Variants in GUCY1A2 observed in about 807,000 individuals in gnomAD.
The protein encoded by GUCY1A2 is guanylate cyclase 1 soluble subunit alpha 2.
In GUCY1A2, 27 loss-of-function variants were observed where a neutral mutation model predicts 63.5. The ratio of observed to expected loss-of-function variants is 0.43; its 90% CI spans 0.31 to 0.59. GUCY1A2 has a LOEUF of 0.59. GUCY1A2 is among the 20% of genes least tolerant of loss of function. GUCY1A2 has a pLI of 0.11. For missense variants in GUCY1A2, 768 were observed against 913.3 expected (o/e 0.84, Z 2.05); for synonymous variants, 364 against 343.5 (o/e 1.06, Z -0.66).
chr11:106,690,376 A>G (rs1209608327), intron 7 of GUCY1A2, among the ~76,000 whole-genome samples: 4 of 152,218 alleles, frequency 2.6e-5, no homozygotes, highest in Non-Finnish European at 5.9e-5. Context: ...TTCCAGCAAC[A>G]TGGATGGAGC....
intron 5 of GUCY1A2, among the ~76,000 whole-genome samples, chr11:106,799,002 A>G (rs1477327888): frequency 1.3e-5 from 2 of 152,206 alleles, no homozygotes; most frequent in Admixed American, 6.5e-5. Flanking sequence ...ATGATTGTAT[A>G]TTTAGAAAAC....
intron 3 of GUCY1A2, among the ~76,000 whole-genome samples, chr11:106,949,344 T>C (rs1365535858): frequency 1.3e-5 from 2 of 152,184 alleles, no homozygotes; most frequent in Admixed American, 6.5e-5. Context: ...TTCACACCTC[T>C]ATACCAGCCA....
chr11:106,900,085 CA>C (rs35314878), intron 4 of GUCY1A2, among the ~76,000 whole-genome samples: 19,297 of 79,554 alleles, frequency 0.24, 796 homozygotes, highest in South Asian at 0.35. Context: ...GACTCCGTCT[CA>C]AAAAAAAAAA....
intron 5 of GUCY1A2, among the ~76,000 whole-genome samples, chr11:106,796,926 T>C (rs1424496737): frequency 6.6e-6 from 1 of 152,146 alleles, no homozygotes; most frequent in Non-Finnish European, 1.5e-5. Context: ...CAGACGTAGA[T>C]TTGGTCTTTT....
chr11:107,000,217 A>G lies in GUCY1A2; in HGVS notation c.304-14086T>C, dbSNP rs73555830. On this transcript the variant is annotated intron_variant, in intron 1 of 7. Coordinates refer to ENST00000526355, the MANE Select transcript of GUCY1A2 (RefSeq NM_000855.3). ...TTACAATGGCAATAAGTTAACACAG[A>G]AAAAGAGAGAAAGACTTTATAGCTT... 9.2e-3 allele frequency among the ~76,000 whole-genome samples: 1,409 copies of G among 152,378 alleles called. 18 individuals carry two copies. The highest frequency in any genetic ancestry group is 0.031 in the African/African-American group (1,296 of 41,596).
chr11:106,962,369 G>T (rs541244068), intron 3 of GUCY1A2, among the ~76,000 whole-genome samples: 1 of 142,848 alleles, frequency 7.0e-6, no homozygotes, highest in Admixed American at 7.3e-5. Context: ...GGCTAACATG[G>T]TGAAACCCCA....
At chr11:106,848,649 C>T (rs1483538962) in intron 4 of GUCY1A2, among the ~76,000 whole-genome samples, 1 of 151,536 alleles carries the variant, frequency 6.6e-6, no homozygotes, top group African/African-American at 2.4e-5. Context: ...AGTACCAAAA[C>T]TGTTTATTCA....
chr11:106,852,390 G>A (rs1001210650), intron 4 of GUCY1A2, among the ~76,000 whole-genome samples: 4 of 152,040 alleles, frequency 2.6e-5, no homozygotes, highest in Non-Finnish European at 4.4e-5. Context: ...CCTTGTCTCA[G>A]TTCTTAGAGG....
chr11:106,689,767 G>T (rs12360850), intron 7 of GUCY1A2, among the ~76,000 whole-genome samples: 14,460 of 152,118 alleles, frequency 0.095, 907 homozygotes, highest in Non-Finnish European at 0.14. Context: ...CACAAGGTGG[G>T]CAGATCACGA....
At chr11:106,864,967 T>C (rs12366169) in intron 4 of GUCY1A2, among the ~76,000 whole-genome samples, 14,732 of 152,082 alleles carry the variant, frequency 0.097, 774 homozygotes, top group Middle Eastern at 0.14. Flanking sequence ...TTTTCTACCG[T>C]TTGGAATGAA....
Position 106,810,363 on chromosome 11 carries a change from G to C in GUCY1A2, c.1322C>G (p.Ser441Ter). The C allele has an allele frequency of 6.2e-7, 1 of 1,613,890 alleles. No homozygotes were observed. Among genetic ancestry groups the C allele is most frequent in the African/African-American group, 1.3e-5 (1 of 75,022 alleles). Residue 441 changes from serine to a stop codon, truncating the protein, a stop_gained, in exon 5 of 8, where the codon TCA (serine) becomes TGA (stop). Transcript: ENST00000526355. LOFTEE classifies it high-confidence loss of function. ...GGTGGCATCATGGATAGGGATGTCT[G>C]AGAGATGTAGCCCTCGGCCCATGAG... Reference protein sequence around the residue: ...DELMGRGLHLSDIPIHDATRD... With the variant: ...DELMGRGLHL
intron 1 of GUCY1A2, among the ~76,000 whole-genome samples, chr11:107,015,107 C>G (rs1281884627): frequency 1.3e-5 from 2 of 152,152 alleles, no homozygotes; most frequent in African/African-American, 4.8e-5. Flanking sequence ...TAATCTCTCT[C>G]TTTTATTTGT....
rs1324606211 is a variant in GUCY1A2 at position 106,940,323 on chromosome 11, A to G, written c.488-145T>C. 9.3e-6 allele frequency: 5 copies of G among 539,784 alleles called. No homozygotes were observed. In the Admixed American group the frequency reaches 1.7e-4, roughly 19 times the overall value. 33.4% of individuals were successfully genotyped at this position (539,784 alleles called of 1,614,324 possible). A position where few individuals can be genotyped will look rare whatever the true frequency, so the allele number is the denominator to read the frequency against. On this transcript the variant is annotated intron_variant, in intron 3 of 7. Transcript: ENST00000526355. ...AGATCCACAAATTTCCACATAGGTTAATTCACTCATCTTGAATCAGAAAAT... is the reference window on the plus strand; with the variant it reads ...AGATCCACAAATTTCCACATAGGTTGATTCACTCATCTTGAATCAGAAAAT...
chr11:106,728,251 G>A (rs570496980), intron 6 of GUCY1A2, among the ~76,000 whole-genome samples: 1 of 152,142 alleles, frequency 6.6e-6, no homozygotes, highest in East Asian at 1.9e-4. Context: ...CAACACTCGT[G>A]TCATACAACT....
intron 7 of GUCY1A2, among the ~76,000 whole-genome samples, chr11:106,693,397 A>G (rs1418835932): frequency 6.6e-6 from 1 of 152,002 alleles, no homozygotes; most frequent in Non-Finnish European, 1.5e-5. Context: ...TATCATCATC[A>G]TCATCATCAT....
chr11:106,835,594 A>T (rs1388453841), intron 4 of GUCY1A2, among the ~76,000 whole-genome samples: 1 of 151,824 alleles, frequency 6.6e-6, no homozygotes, highest in African/African-American at 2.4e-5. Flanking sequence ...ATCCACCAAG[A>T]AATATAAATA....
In GUCY1A2 at chr11:106,684,380, C is replaced by T. The variant is rs1488441226; in HGVS notation, c.*3169G>A. On this transcript the variant is annotated 3_prime_UTR_variant, in exon 8 of 8. Transcript: ENST00000526355. ...TGTTACCTGGAAGCTATGTCTTCTT[C>T]CCCTTCTCTACGTTATATAGACAAG... 5.2e-6 allele frequency: 1 copy of T among 191,582 alleles called. No individual in the cohort carries two copies. Among genetic ancestry groups the T allele is most frequent in the Admixed American group, 6.2e-5 (1 of 16,252 alleles). 11.9% of individuals were successfully genotyped at this position (191,582 alleles called of 1,614,324 possible).
chr11:106,934,490 C>G (rs1031757844), intron 4 of GUCY1A2, among the ~76,000 whole-genome samples: 1 of 152,128 alleles, frequency 6.6e-6, no homozygotes, highest in Non-Finnish European at 1.5e-5. Context: ...TTAATAAATA[C>G]TTAAAAACTT....
intron 3 of GUCY1A2, among the ~76,000 whole-genome samples, chr11:106,977,972 A>G (rs1188172464): frequency 6.6e-6 from 1 of 152,216 alleles, no homozygotes; most frequent in East Asian, 1.9e-4. Context: ...TAGCTCTCAC[A>G]CACCAAGAAC....
Sources: gnomAD v4.1 joint callset for allele counts (sites outside exome capture counted in the v4.1 genomes callset) on GRCh38, gnomAD v4.1.1 for gene constraint, MANE v1.5 for transcripts, NCBI Gene and HGNC (gene_info 2026-07-23, HGNC 2026-07-21) for gene names.